The following MTUS1 variants were observed in gnomAD, a reference collection of about 807,000 sequenced individuals.
The protein encoded by MTUS1 is microtubule-associated tumor suppressor 1.
Under a neutral mutation model 120.8 loss-of-function variants are expected in MTUS1, and 109 were observed. That is an observed-to-expected ratio of 0.90 (90% CI 0.77 to 1.06). The LOEUF is 1.06. Ranked by LOEUF, MTUS1 falls within the 50% of genes least tolerant of loss-of-function variation. The pLI is 0.00. For missense variants in MTUS1, 2,210 were observed against 1,486.3 expected, an observed-to-expected ratio of 1.49 and a Z score of -8.01; for synonymous variants, 737 against 550.5, an observed-to-expected ratio of 1.34 and a Z score of -4.74.
chr8:17,651,798 G>T (rs569793212), intron 12 of MTUS1: 1 of 152,058 alleles, frequency 6.6e-6, no homozygotes, highest in Non-Finnish European at 1.5e-5. Context: ...TTTCAAAAGC[G>T]GCTGCAGTAG....
At chr8:17,746,684 G>C (rs1274548690) in intron 2 of MTUS1, among the ~76,000 whole-genome samples, 1 of 152,132 alleles carries the variant, frequency 6.6e-6, no homozygotes, top group Non-Finnish European at 1.5e-5. Flanking sequence ...TTCAAGATGA[G>C]ATTTGGGTGG....
At chr8:17,746,618 G>A (rs531606877) in intron 2 of MTUS1, among the ~76,000 whole-genome samples, 2 of 152,180 alleles carry the variant, frequency 1.3e-5, no homozygotes, top group South Asian at 4.2e-4. Context: ...CCCCCATGAT[G>A]CAATTATCTC....
chr8:17,702,795 C>T (rs951105928), intron 6 of MTUS1, among the ~76,000 whole-genome samples: 5 of 152,202 alleles, frequency 3.3e-5, no homozygotes, highest in Non-Finnish European at 7.3e-5. Context: ...TTCCCACATC[C>T]TGGCTATCAT....
At chr8:17,669,991 A>G (rs1231998700) in intron 8 of MTUS1, among the ~76,000 whole-genome samples, 1 of 152,214 alleles carries the variant, frequency 6.6e-6, no homozygotes. Flanking sequence ...CCAGGTGAGA[A>G]ATTGTGGGAC....
chr8:17,673,012 G>A (rs1285295329), intron 8 of MTUS1, among the ~76,000 whole-genome samples: 1 of 152,176 alleles, frequency 6.6e-6, no homozygotes, highest in Admixed American at 6.5e-5. Context: ...TCGGAGAGAG[G>A]CTGAAATGTG....
At chr8:17,781,063 A>G (rs1481797989) in intron 1 of MTUS1, 3 of 152,204 alleles carry the variant, frequency 2.0e-5, no homozygotes, top group Non-Finnish European at 2.9e-5. Context: ...TTATCTAATC[A>G]GATCTCCATA....
chr8:17,742,349 G>C (rs2047401986), intron 3 of MTUS1, among the ~76,000 whole-genome samples: 1 of 133,098 alleles, frequency 7.5e-6, no homozygotes, highest in African/African-American at 2.8e-5. Context: ...GGCTGGTCCT[G>C]AACTCCTGGC....
rs1586101320 is a variant in MTUS1 at position 17,743,524 on chromosome 8, G to A, written c.2287+80C>T. 2.2e-6 allele frequency: 3 copies of A among 1,334,752 alleles called. No homozygotes were observed. In the East Asian group the frequency reaches 7.0e-5, roughly 31 times the overall value. The allele number at this position is 1,334,752 out of a possible 1,614,324, so 82.7% of individuals were successfully genotyped here. ...CAAAAGGCTAACTGCTTTAGTGACA[G>A]AAGGCATTAGACCTATAATCATGAC... On this transcript the variant is annotated intron_variant, in intron 3 of 14. Coordinates refer to ENST00000693296, the MANE Select transcript of MTUS1 (RefSeq NM_001363059.2).
At chr8:17,702,565 C>A (rs1043928417) in intron 6 of MTUS1, among the ~76,000 whole-genome samples, 4 of 152,168 alleles carry the variant, frequency 2.6e-5, no homozygotes, top group African/African-American at 9.7e-5. Context: ...CTGGCAACCA[C>A]CACTCTACTC....
chr8:17,747,412 T>G (rs1369452252), intron 2 of MTUS1, among the ~76,000 whole-genome samples: 8 of 152,236 alleles, frequency 5.3e-5, no homozygotes, highest in Non-Finnish European at 8.8e-5. Flanking sequence ...AGCAGTCTAC[T>G]CACACTCCCA....
intron 1 of MTUS1, among the ~76,000 whole-genome samples, chr8:17,766,135 G>A (rs2049468861): frequency 6.6e-6 from 1 of 152,128 alleles, no homozygotes; most frequent in Admixed American, 6.5e-5. Flanking sequence ...GTGAATTTTT[G>A]TCACCAAGTT....
chr8:17,714,730 T>A (rs978240176), intron 5 of MTUS1, among the ~76,000 whole-genome samples: 5 of 152,022 alleles, frequency 3.3e-5, no homozygotes, highest in African/African-American at 1.2e-4. Flanking sequence ...CACAAGGAAA[T>A]GTGACAGCAA....
At chr8:17,669,514 C>T (rs1259528254) in intron 8 of MTUS1, among the ~76,000 whole-genome samples, 1 of 152,010 alleles carries the variant, frequency 6.6e-6, no homozygotes, top group Non-Finnish European at 1.5e-5. Flanking sequence ...GGATTTTTTC[C>T]CCCAAGGCCA....
chr8:17,664,348 A>T (rs1186748536), intron 8 of MTUS1, among the ~76,000 whole-genome samples: 1 of 152,216 alleles, frequency 6.6e-6, no homozygotes, highest in Non-Finnish European at 1.5e-5. Context: ...AGAATACCAT[A>T]GAAAGAAGAG....
At chr8:17,763,280 A>G (rs1051348823) in intron 1 of MTUS1, among the ~76,000 whole-genome samples, 16 of 152,258 alleles carry the variant, frequency 1.1e-4, no homozygotes, top group African/African-American at 3.6e-4. Flanking sequence ...GTGAGCCACC[A>G]CGCCTGGCCG....
chr8:17,745,529 T>A (rs1464127010), intron 2 of MTUS1, among the ~76,000 whole-genome samples: 1 of 152,252 alleles, frequency 6.6e-6, no homozygotes, highest in Non-Finnish European at 1.5e-5. Flanking sequence ...GAGGGCTGAC[T>A]GTATTCAATT....
intron 5 of MTUS1, among the ~76,000 whole-genome samples, 155 bp from the exon 6 acceptor site, chr8:17,713,407 C>G (rs1407846014): frequency 6.6e-6 from 1 of 151,926 alleles, no homozygotes; most frequent in Non-Finnish European, 1.5e-5. Flanking sequence ...CAACTTTTGT[C>G]AAGTGCATTT....
At chr8:17,711,165 T>C (rs1821227036) in intron 6 of MTUS1, among the ~76,000 whole-genome samples, 1 of 152,324 alleles carries the variant, frequency 6.6e-6, no homozygotes, top group Admixed American at 6.5e-5. Flanking sequence ...CAACTTAAAA[T>C]TACCAGAAGT....
chr8:17,732,455 A>G (rs563764172), intron 3 of MTUS1, among the ~76,000 whole-genome samples: 15 of 152,212 alleles, frequency 9.9e-5, no homozygotes, highest in African/African-American at 3.4e-4. Context: ...TTGACTCTGG[A>G]GAGTCCAGGG....
Sources: allele counts gnomAD v4.1 joint callset (sites outside exome capture counted in the v4.1 genomes callset), GRCh38; gene constraint gnomAD v4.1.1; transcripts MANE v1.5; gene names NCBI Gene and HGNC (gene_info 2026-07-23, HGNC 2026-07-21).